CERS6: variants seen among roughly 807,000 people sequenced by gnomAD.
The protein encoded by CERS6 is ceramide synthase 6.
Under a neutral mutation model 56.8 loss-of-function variants are expected in CERS6, and 26 were observed. That is an observed-to-expected ratio of 0.46 (90% CI 0.34 to 0.63). The LOEUF is 0.63. CERS6 is among the 30% of genes least tolerant of loss of function. CERS6 has a pLI of 0.01. For missense variants in CERS6, 415 were observed against 467.5 expected (o/e 0.89, Z 1.04); for synonymous variants, 164 against 173.3 (o/e 0.95, Z 0.42).
At chr2:168,508,722 G>T (rs1694725075) in intron 1 of CERS6, among the ~76,000 whole-genome samples, 1 of 151,548 alleles carries the variant, frequency 6.6e-6, no homozygotes, top group Admixed American at 6.6e-5. Context: ...GGGGTGGGGG[G>T]TAGGGGAGGG....
At chr2:168,510,830 TTACAA>T (rs1694766150) in intron 1 of CERS6, among the ~76,000 whole-genome samples, 1 of 152,052 alleles carries the variant, frequency 6.6e-6, no homozygotes, top group Non-Finnish European at 1.5e-5. Flanking sequence ...ATTAACTAAC[TTACAA>T]TAAAATAAAG....
rs186365858 is a variant in CERS6 at position 168,607,078 on chromosome 2, G to A, written c.408-23907G>A. ...GTCTCAGTCATTTCTTTATAGCAAT[G>A]CAAGAATGGACTATTACAATGGGTT... On this transcript the variant is annotated intron_variant, in intron 3 of 9. Coordinates refer to ENST00000305747, the MANE Select transcript of CERS6 (RefSeq NM_203463.3). Among the ~76,000 whole-genome samples the A allele has an allele frequency of 3.3e-5, 5 of 152,230 alleles. No homozygotes were observed. In the East Asian group the frequency reaches 9.6e-4, roughly 29 times the overall value.
chr2:168,707,503 G>A (rs950299453), intron 6 of CERS6, among the ~76,000 whole-genome samples: 1 of 152,098 alleles, frequency 6.6e-6, no homozygotes, highest in Admixed American at 6.5e-5. Flanking sequence ...AGGGTGCATA[G>A]GCTATACATA....
chr2:168,581,650 T>A (rs1001011422), intron 3 of CERS6, among the ~76,000 whole-genome samples: 2 of 152,200 alleles, frequency 1.3e-5, no homozygotes, highest in Non-Finnish European at 2.9e-5. Context: ...ACCTGCTTGT[T>A]CAGTTTTCAT....
rs373199170 is a variant in CERS6, at chr2:168,496,950, A to G, written c.170+40332A>G. 7.0e-4 allele frequency among the ~76,000 whole-genome samples: 107 copies of G among 152,322 alleles called. 1 individual carries two copies. Among genetic ancestry groups the G allele is most frequent in the African/African-American group, 2.3e-3 (95 of 41,576 alleles). On this transcript the variant is annotated intron_variant, in intron 1 of 9. Transcript: ENST00000305747. ...ATTGAAAAATCTGTGTTAGATAGTG[A>G]GGCTTTTAAATAATGCCATCAATAT...
In CERS6 at chr2:168,612,854, G is replaced by A. The variant is rs973898429; in HGVS notation, c.408-18131G>A. 4.6e-5 allele frequency among the ~76,000 whole-genome samples: 7 copies of A among 151,066 alleles called. No individual in the cohort carries two copies. The South Asian group carries it at 6.3e-4, about 14-fold the overall frequency. ...CTGTGTAGATTTTTCTGCAGGAGGA[G>A]TAACTCTCATTCATGTCAAAGCAAA... is the stretch of plus-strand genomic sequence containing the variant. On this transcript the variant is annotated intron_variant, in intron 3 of 9. Coordinates refer to ENST00000305747, the MANE Select transcript of CERS6 (RefSeq NM_203463.3).
rs1372331774 is a variant in CERS6, at chr2:168,609,694, A to G, written c.408-21291A>G. Among the ~76,000 whole-genome samples the G allele has an allele frequency of 2.0e-5, 3 of 152,246 alleles. No homozygotes were observed. In the South Asian group the frequency reaches 6.2e-4, roughly 32 times the overall value. On this transcript the variant is annotated intron_variant, in intron 3 of 9. Coordinates refer to ENST00000305747, the MANE Select transcript of CERS6 (RefSeq NM_203463.3). ...CCTAAAGTCTTGAGAGGATTTGGAC[A>G]TTGGGAAAACTACTTAGCTCTCAGG...
chr2:168,586,800 G>A (rs1448927189), intron 3 of CERS6, among the ~76,000 whole-genome samples: 3 of 152,174 alleles, frequency 2.0e-5, no homozygotes, highest in Admixed American at 6.5e-5. Flanking sequence ...ATTTCAGAGG[G>A]CCATTGTGAG....
At chr2:168,625,597 C>T (rs1317360092) in intron 3 of CERS6, among the ~76,000 whole-genome samples, 1 of 152,236 alleles carries the variant, frequency 6.6e-6, no homozygotes, top group Non-Finnish European at 1.5e-5. Context: ...AATTCAAAGG[C>T]TTGTGGCTGT....
chr2:168,476,305 G>C (rs1040402975), intron 1 of CERS6, among the ~76,000 whole-genome samples: 4 of 151,532 alleles, frequency 2.6e-5, no homozygotes, highest in Admixed American at 2.6e-4. Context: ...CATGCATATT[G>C]TAAAAAAGTA....
At chr2:168,732,155 C>T (rs185223678) in intron 8 of CERS6, among the ~76,000 whole-genome samples, 11 of 152,286 alleles carry the variant, frequency 7.2e-5, no homozygotes, top group African/African-American at 2.2e-4. Flanking sequence ...GTGTCTCCCC[C>T]ATCCCATTAA....
At chr2:168,617,639 A>G (rs1256399260) in intron 3 of CERS6, among the ~76,000 whole-genome samples, 1 of 152,150 alleles carries the variant, frequency 6.6e-6, no homozygotes, top group East Asian at 1.9e-4. Context: ...TAGAGGAGAT[A>G]GATAAATTCC....
At chr2:168,743,464 G>A (rs1306535357) in intron 8 of CERS6, among the ~76,000 whole-genome samples, 1 of 152,068 alleles carries the variant, frequency 6.6e-6, no homozygotes, top group Non-Finnish European at 1.5e-5. Context: ...GCGAAACCCT[G>A]TCTCTACAAA....
chr2:168,494,306 G>A (rs997547895), intron 1 of CERS6, among the ~76,000 whole-genome samples: 1 of 152,124 alleles, frequency 6.6e-6, no homozygotes, highest in Admixed American at 6.6e-5. Context: ...GAGTGCAGTG[G>A]TTAAGAGCCC....
chr2:168,746,821 A>ATATAT (rs1559078615), intron 8 of CERS6, among the ~76,000 whole-genome samples: 413 of 64,608 alleles, frequency 6.4e-3, no homozygotes, highest in South Asian at 9.5e-3. Context: ...ATATATATAT[A>ATATAT]AAATCATCTT....
chr2:168,569,753 A>T (rs1375324065), intron 3 of CERS6, among the ~76,000 whole-genome samples: 1 of 152,180 alleles, frequency 6.6e-6, no homozygotes, highest in Admixed American at 6.6e-5. Flanking sequence ...GGAGCCTGGG[A>T]GTCTGCATTG....
At chr2:168,621,380 T>C (rs1484507773) in intron 3 of CERS6, among the ~76,000 whole-genome samples, 1 of 152,230 alleles carries the variant, frequency 6.6e-6, no homozygotes, top group Admixed American at 6.5e-5. Context: ...AGTTGGAAAA[T>C]TCTTGCTTAT....
At chr2:168,535,610 C>T (rs887035452) in intron 1 of CERS6, among the ~76,000 whole-genome samples, 14 of 150,534 alleles carry the variant, frequency 9.3e-5, no homozygotes, top group African/African-American at 3.4e-4. Flanking sequence ...ATTGGAGCCT[C>T]AGATCGCCAC....
At chr2:168,683,747 G>A (rs1686275745) in intron 4 of CERS6, among the ~76,000 whole-genome samples, 1 of 152,188 alleles carries the variant, frequency 6.6e-6, no homozygotes, top group Admixed American at 6.5e-5. Context: ...CTTGCTGGGT[G>A]TAGAGGAGAG....
Sources: allele counts gnomAD v4.1 joint callset (sites outside exome capture counted in the v4.1 genomes callset), GRCh38; gene constraint gnomAD v4.1.1; transcripts MANE v1.5; gene names NCBI Gene and HGNC (gene_info 2026-07-23, HGNC 2026-07-21).